TENM3: variants seen among roughly 807,000 people sequenced by gnomAD.
TENM3 encodes the protein teneurin-3.
TENM3 carries 63 observed loss-of-function variants against 255.1 expected under a neutral mutation model. That is an observed-to-expected ratio of 0.25 (90% CI 0.20 to 0.30). The LOEUF is 0.30. Ranked by LOEUF, TENM3 falls within the 10% of genes least tolerant of loss-of-function variation. TENM3 has a pLI of 1.00. For missense variants in TENM3, 2,929 were observed against 3,461.1 expected, an observed-to-expected ratio of 0.85 and a Z score of 3.86; for synonymous variants, 1,306 against 1,322.3, an observed-to-expected ratio of 0.99 and a Z score of 0.27.
chr4:181,909,053 C>G, the TENM3 span, among the ~76,000 whole-genome samples: 3 of 152,150 alleles, frequency 2.0e-5, no homozygotes, highest in Non-Finnish European at 4.4e-5. Context: ...TTCTGCCTTT[C>G]CTTTCTGAAT....
At chr4:182,574,652 A>G (rs1744738709) in intron 3 of TENM3, among the ~76,000 whole-genome samples, 1 of 152,112 alleles carries the variant, frequency 6.6e-6, no homozygotes, top group Non-Finnish European at 1.5e-5. Context: ...TTAAATGGCA[A>G]ATCACCTTCT....
the TENM3 span, among the ~76,000 whole-genome samples, chr4:181,667,210 C>T: frequency 1.3e-5 from 2 of 152,156 alleles, no homozygotes; most frequent in African/African-American, 2.4e-5. Flanking sequence ...CAGGACATCA[C>T]TGATGAGGTA....
In TENM3 at chr4:182,480,990, A is replaced by G. The variant is rs117048785; in HGVS notation, c.512-119934A>G. On this transcript the variant is annotated intron_variant, in intron 3 of 27. Coordinates refer to ENST00000511685, the MANE Select transcript of TENM3 (RefSeq NM_001080477.4). ...CTTTTTTTCTGTTAAATACTAGTCT[A>G]TTTGAAGAGTCGTTTTCTTTTCTTT... Among the ~76,000 whole-genome samples, 64 of 152,142 alleles carry G rather than the reference A, an allele frequency of 4.2e-4. No individual in the cohort carries two copies. In the East Asian group the frequency reaches 0.012, roughly 28 times the overall value.
At chr4:181,509,204 C>A in the TENM3 span, among the ~76,000 whole-genome samples, 3 of 152,016 alleles carry the variant, frequency 2.0e-5, no homozygotes, top group African/African-American at 7.3e-5. Flanking sequence ...CTGTAGGCAA[C>A]ACTTCTTTAT....
chr4:182,697,350 C>T (rs768437289), intron 12 of TENM3, among the ~76,000 whole-genome samples: 2 of 152,116 alleles, frequency 1.3e-5, no homozygotes, highest in African/African-American at 4.8e-5. Context: ...GAAAGTGGGT[C>T]GCCAAGGAGG....
intron 22 of TENM3, among the ~76,000 whole-genome samples, chr4:182,765,807 A>G (rs889601947): frequency 2.6e-5 from 4 of 152,158 alleles, no homozygotes; most frequent in Non-Finnish European, 5.9e-5. Context: ...ATCACTTCCT[A>G]TTCACAAGAA....
intron 3 of TENM3, among the ~76,000 whole-genome samples, chr4:182,510,493 T>C (rs916948935): frequency 6.6e-6 from 1 of 152,194 alleles, no homozygotes; most frequent in African/African-American, 2.4e-5. Flanking sequence ...ACCTCTAGAA[T>C]TGATTAATTT....
chr4:182,621,738 ATATATAATATAT>A (rs1750244614), intron 4 of TENM3, among the ~76,000 whole-genome samples: 9 of 42,694 alleles, frequency 2.1e-4, no homozygotes, highest in Non-Finnish European at 3.2e-4. Flanking sequence ...AAAATATATA[ATATATAATATAT>A]TATAATATAT....
At chr4:182,335,851 G>T (rs776809831) in intron 2 of TENM3, among the ~76,000 whole-genome samples, 12 of 152,088 alleles carry the variant, frequency 7.9e-5, no homozygotes, top group Non-Finnish European at 1.8e-4. Context: ...AAGATAAACA[G>T]CCCAATGGGA....
chr4:182,631,196 C>G (rs1014021888), intron 5 of TENM3, among the ~76,000 whole-genome samples: 1 of 152,040 alleles, frequency 6.6e-6, no homozygotes, highest in African/African-American at 2.4e-5. Context: ...TGCAAATTAT[C>G]TAGTTAATAT....
chr4:182,046,596 G>A, the TENM3 span, among the ~76,000 whole-genome samples: 1 of 150,964 alleles, frequency 6.6e-6, no homozygotes. Context: ...CAGGTGTGGG[G>A]GCATGCTGCT....
the TENM3 span, among the ~76,000 whole-genome samples, chr4:181,821,354 C>G: frequency 6.6e-6 from 1 of 152,172 alleles, no homozygotes; most frequent in Non-Finnish European, 1.5e-5. Flanking sequence ...CTTTGAATCC[C>G]CTTTGGTGTT....
chr4:181,519,366 TA>T, the TENM3 span, among the ~76,000 whole-genome samples: 2 of 152,242 alleles, frequency 1.3e-5, no homozygotes, highest in African/African-American at 2.4e-5. Flanking sequence ...TCTGAAAATA[TA>T]ACTTATTAAA....
At chr4:181,874,002 C>T in the TENM3 span, among the ~76,000 whole-genome samples, 1 of 152,100 alleles carries the variant, frequency 6.6e-6, no homozygotes, top group African/African-American at 2.4e-5. Context: ...CAAGGCTGGT[C>T]TCAATATCCT....
At chr4:182,066,597 AAAAT>A in the TENM3 span, among the ~76,000 whole-genome samples, 2,010 of 24,402 alleles carry the variant, frequency 0.082, 40 homozygotes, top group African/African-American at 0.12. Context: ...TGGTAAAAAA[AAAAT>A]ATATATATAT....
rs1758037664 is a variant in TENM3 at position 182,703,382 on chromosome 4, TGG to T, written c.2222-10703_2222-10702del. 5.3e-5 allele frequency among the ~76,000 whole-genome samples: 8 copies of T among 152,336 alleles called. 1 individual carries two copies. The South Asian group carries it at 1.7e-3, about 32-fold the overall frequency. On this transcript the variant is annotated intron_variant, in intron 12 of 27. Coordinates refer to ENST00000511685, the MANE Select transcript of TENM3 (RefSeq NM_001080477.4). ...TATACTGTGGAGGATTTAAGAACATTGGGAGCTATTGAACACTCTACCCACTT... is the reference window on the plus strand; with the variant it reads ...TATACTGTGGAGGATTTAAGAACATTGAGCTATTGAACACTCTACCCACTT...
At chr4:182,467,194 A>C (rs1447354917) in intron 3 of TENM3, among the ~76,000 whole-genome samples, 1 of 152,224 alleles carries the variant, frequency 6.6e-6, no homozygotes, top group East Asian at 1.9e-4. Flanking sequence ...TAAGCATCTT[A>C]GAGTATCCTA....
the TENM3 span, among the ~76,000 whole-genome samples, chr4:181,907,129 G>A: frequency 5.9e-5 from 9 of 152,080 alleles, no homozygotes; most frequent in South Asian, 2.1e-4. Context: ...CAGGTTATTC[G>A]CCTGTCTCTG....
chr4:182,796,295 C>T (rs1766491976), intron 26 of TENM3, among the ~76,000 whole-genome samples: 1 of 152,218 alleles, frequency 6.6e-6, no homozygotes, highest in Admixed American at 6.5e-5. Context: ...AATTTCGTTT[C>T]TTTTCTACAA....
Sources: gnomAD v4.1 joint callset for allele counts (sites outside exome capture counted in the v4.1 genomes callset) on GRCh38, gnomAD v4.1.1 for gene constraint, MANE v1.5 for transcripts, NCBI Gene and HGNC (gene_info 2026-07-23, HGNC 2026-07-21) for gene names.